Variants in MAP2 observed in about 807,000 individuals in gnomAD.
The protein encoded by MAP2 is microtubule associated protein 2.
A neutral mutation model predicts 137.6 loss-of-function variants in MAP2; 14 were observed. The observed-to-expected ratio is 0.10, with a 90% CI of 0.07 to 0.16. MAP2 has a LOEUF of 0.16. Among genes scored for constraint, MAP2 ranks in the 10% least tolerant of loss-of-function variants. MAP2 has a pLI of 1.00. For synonymous variants in MAP2, 786 were observed against 782.3 expected, an observed-to-expected ratio of 1.00 and a Z score of -0.08; for missense variants, 2,088 against 2,191.5, an observed-to-expected ratio of 0.95 and a Z score of 0.94.
intron 2 of MAP2, among the ~76,000 whole-genome samples, chr2:209,561,638 A>G (rs550763799): frequency 2.0e-5 from 3 of 152,242 alleles, no homozygotes; most frequent in Non-Finnish European, 2.9e-5. Context: ...TCTTATTTTT[A>G]TTACTTATAG....
At chr2:209,613,487 A>G (rs2087787997) in intron 3 of MAP2, among the ~76,000 whole-genome samples, 1 of 152,152 alleles carries the variant, frequency 6.6e-6, no homozygotes, top group Non-Finnish European at 1.5e-5. Context: ...CCCCTGCTAA[A>G]GGTGAAATCA....
intron 4 of MAP2, among the ~76,000 whole-genome samples, chr2:209,633,489 G>A (rs910389860): frequency 6.6e-6 from 1 of 152,114 alleles, no homozygotes; most frequent in African/African-American, 2.4e-5. Flanking sequence ...ATAAATTGTT[G>A]TTAATAGTTG....
intron 13 of MAP2, chr2:209,723,839 G>A: frequency 1.8e-6 from 1 of 563,994 alleles, no homozygotes; most frequent in South Asian, 2.6e-5. Context: ...TTGTAGCCTT[G>A]CATTTTCAGT....
intron 2 of MAP2, among the ~76,000 whole-genome samples, chr2:209,555,196 G>T (rs1175927705): frequency 6.6e-6 from 1 of 151,918 alleles, no homozygotes; most frequent in Admixed American, 6.6e-5. Context: ...TTATTTGTTT[G>T]TTTTGTATGT....
chr2:209,556,426 C>T lies in MAP2; in HGVS notation c.-171-23610C>T, dbSNP rs142702658. Among the ~76,000 whole-genome samples, 837 of 152,158 alleles carry T rather than the reference C, an allele frequency of 5.5e-3. 4 individuals are homozygous for T. The highest frequency in any genetic ancestry group is 0.024 in the Middle Eastern group (7 of 294). ...TAGACAAGTTATTTCATTTTCTGTACCTCAGTTTCATTATCTCTGAAGTGG... is the reference window on the plus strand; with the variant it reads ...TAGACAAGTTATTTCATTTTCTGTATCTCAGTTTCATTATCTCTGAAGTGG... On this transcript the variant is annotated intron_variant, in intron 2 of 15. Coordinates refer to ENST00000682079, the MANE Select transcript of MAP2 (RefSeq NM_001375505.1).
intron 1 of MAP2, among the ~76,000 whole-genome samples, chr2:209,474,567 A>G (rs1706676381): frequency 6.6e-6 from 1 of 152,084 alleles, no homozygotes; most frequent in Admixed American, 6.6e-5. Flanking sequence ...TGCTTTGAAG[A>G]TCAGTATTGT....
intron 1 of MAP2, among the ~76,000 whole-genome samples, chr2:209,453,966 A>G (rs1185997879): frequency 1.3e-5 from 2 of 152,040 alleles, no homozygotes; most frequent in Non-Finnish European, 2.9e-5. Flanking sequence ...CCTGGCTAAC[A>G]CAGTGAAACC....
intron 1 of MAP2, among the ~76,000 whole-genome samples, chr2:209,486,911 T>C (rs1210176250): frequency 1.3e-5 from 2 of 152,206 alleles, no homozygotes; most frequent in East Asian, 3.8e-4. Context: ...ATCTGTGTCA[T>C]AGATTAATAT....
chr2:209,631,977 G>A (rs1226514276), intron 4 of MAP2, among the ~76,000 whole-genome samples: 1 of 152,192 alleles, frequency 6.6e-6, no homozygotes, highest in Non-Finnish European at 1.5e-5. Flanking sequence ...CTAGGGGCAT[G>A]CACTTTATTC....
At chr2:209,608,839 A>G (rs1206353872) in intron 3 of MAP2, among the ~76,000 whole-genome samples, 2 of 152,250 alleles carry the variant, frequency 1.3e-5, no homozygotes, top group Non-Finnish European at 2.9e-5. Context: ...AACAACCTGT[A>G]GTTCTCATTG....
intron 1 of MAP2, among the ~76,000 whole-genome samples, chr2:209,479,949 T>C (rs1708325768): frequency 6.6e-6 from 1 of 152,164 alleles, no homozygotes; most frequent in Non-Finnish European, 1.5e-5. Flanking sequence ...AAATGTGTTT[T>C]ATTGCTGCTG....
chr2:209,689,477 A>G (rs1408359953), intron 7 of MAP2, among the ~76,000 whole-genome samples: 1 of 152,184 alleles, frequency 6.6e-6, no homozygotes, highest in African/African-American at 2.4e-5. Context: ...AAAACAGCTC[A>G]TATATTTCTC....
chr2:209,452,087 ACC>A (rs1302174675), intron 1 of MAP2, among the ~76,000 whole-genome samples: 24 of 152,310 alleles, frequency 1.6e-4, no homozygotes, highest in African/African-American at 5.8e-4. Flanking sequence ...CCAAAAGAAC[ACC>A]TTGAAATCAA....
At chr2:209,608,847 T>C (rs2085742324) in intron 3 of MAP2, among the ~76,000 whole-genome samples, 2 of 152,118 alleles carry the variant, frequency 1.3e-5, no homozygotes, top group Non-Finnish European at 1.5e-5. Context: ...GTAGTTCTCA[T>C]TGCCCCTTTG....
rs986911407 is a variant in MAP2, at chr2:209,732,055, T to G, written c.*1658T>G. Reference sequence around the variant, plus strand: ...TAAGGCAAAGAGCTACCAGGCTAGATGGACACTTTTTAAAAATTTTATCTG... The same window carrying G: ...TAAGGCAAAGAGCTACCAGGCTAGAGGGACACTTTTTAAAAATTTTATCTG... On this transcript the variant is annotated 3_prime_UTR_variant, in exon 16 of 16. Transcript: ENST00000682079. The G allele has an allele frequency of 5.9e-5, 9 of 152,238 alleles. 1 individual carries two copies. In the South Asian group the frequency reaches 1.9e-3, roughly 32 times the overall value. The allele number at this position is 152,238 out of a possible 1,614,324, so 9.4% of individuals were successfully genotyped here.
At position 209,483,010 on chromosome 2, in the gene MAP2, C is replaced by T. The variant is rs897621552; in HGVS notation, c.-221-24582C>T. Among the ~76,000 whole-genome samples the T allele has an allele frequency of 4.6e-5, 7 of 152,094 alleles. No homozygotes were observed. In the East Asian group the frequency reaches 1.2e-3, roughly 25 times the overall value. On this transcript the variant is annotated intron_variant, in intron 1 of 15. Transcript: ENST00000682079. Reference sequence around the variant, plus strand: ...TTTTAGTATCTTTTTTAGAACATGACATTATATGTTAACAAAGCGCTGAGT... The same window carrying T: ...TTTTAGTATCTTTTTTAGAACATGATATTATATGTTAACAAAGCGCTGAGT...
intron 4 of MAP2, among the ~76,000 whole-genome samples, chr2:209,629,555 C>T (rs1234263213): frequency 1.3e-5 from 2 of 152,190 alleles, no homozygotes; most frequent in Non-Finnish European, 2.9e-5. Context: ...CAGCATTCAA[C>T]TCCGCTCCGT....
At chr2:209,553,269 C>A (rs1033497035) in intron 2 of MAP2, among the ~76,000 whole-genome samples, 2 of 152,046 alleles carry the variant, frequency 1.3e-5, no homozygotes, top group Non-Finnish European at 2.9e-5. Context: ...CCTCGGCCTC[C>A]CAAAGTGCTG....
At chr2:209,626,229 C>T (rs891335359) in intron 4 of MAP2, among the ~76,000 whole-genome samples, 12 of 152,204 alleles carry the variant, frequency 7.9e-5, no homozygotes, top group Middle Eastern at 3.4e-3. Flanking sequence ...GCCTGGCCAA[C>T]ATAGTGAAAC....
Sources: allele counts gnomAD v4.1 joint callset (sites outside exome capture counted in the v4.1 genomes callset), GRCh38; gene constraint gnomAD v4.1.1; transcripts MANE v1.5; gene names NCBI Gene and HGNC (gene_info 2026-07-23, HGNC 2026-07-21).